The following CSMD1 variants were observed in gnomAD, a reference collection of about 807,000 sequenced individuals.
The protein encoded by CSMD1 is CUB and Sushi multiple domains 1.
CSMD1 carries 213 observed loss-of-function variants against 417.5 expected under a neutral mutation model. That is an observed-to-expected ratio of 0.51 (90% CI 0.46 to 0.57). The LOEUF (loss-of-function observed/expected upper bound fraction) is 0.57, where lower values mean the gene tolerates loss of function less well. Ranked by LOEUF, CSMD1 falls within the 20% of genes least tolerant of loss-of-function variation. The probability of loss-of-function intolerance (pLI) is 0.00; values close to 1 mark genes in which losing one functional copy is unlikely to be tolerated. For missense variants in CSMD1, 6,923 were observed against 4,529.7 expected (o/e 1.53, Z -15.17); for synonymous variants, 2,862 against 1,736.8 (o/e 1.65, Z -16.11).
intron 2 of CSMD1, among the ~76,000 whole-genome samples, chr8:4,457,248 G>C (rs1217681): frequency 0.014 from 2,089 of 152,166 alleles, 43 homozygotes; most frequent in African/African-American, 0.046. Flanking sequence ...CAACCAAGTG[G>C]TTTTACCTGT....
At position 3,041,714 on chromosome 8, in the gene CSMD1, G is replaced by A. The variant is rs373485209; in HGVS notation, c.7660+10748C>T. ...TTTAGAACTGTTAAATGAAAGATGA[G>A]GATGCCAATCCACTGCTATTTTATA... On this transcript the variant is annotated intron_variant, in intron 50 of 69. Transcript: ENST00000635120. Among the ~76,000 whole-genome samples the A allele has an allele frequency of 9.8e-5, 15 of 152,310 alleles. No homozygotes were observed. The East Asian group carries it at 2.9e-3, about 29-fold the overall frequency.
chr8:3,998,089 G>T lies in CSMD1; in HGVS notation c.632C>A (p.Thr211Asn), dbSNP rs755543538. ...GATGGAGCTGCTGGTCCCGCGTAAG[G>T]TTCCTCCGCAGGCTCCCTCAGCTGC... Reference protein sequence around the residue: ...FCRAEGACGGTLRGTSSSISS... With the variant: ...FCRAEGACGGNLRGTSSSISS... Residue 211 changes from threonine (T) to asparagine (N), a missense_variant, in exon 5 of 70, where the codon ACC (threonine) becomes AAC (asparagine). Physicochemically the swap from Thr to Asn is moderately conservative, Grantham distance 65. Coordinates refer to ENST00000635120, the MANE Select transcript of CSMD1 (RefSeq NM_033225.6). 13 of 1,578,454 alleles carry T rather than the reference G, an allele frequency of 8.2e-6. No individual in the cohort carries two copies. The highest frequency in any genetic ancestry group is 1.1e-5 in the Non-Finnish European group (13 of 1,161,274).
intron 1 of CSMD1, among the ~76,000 whole-genome samples, chr8:4,906,576 C>CTTTTTTTTT (rs10626735): frequency 6.6e-6 from 1 of 151,058 alleles, no homozygotes; most frequent in Non-Finnish European, 1.5e-5. Context: ...TTTTGAGTTG[C>CTTTTTTTTT]TTTTTTTTCC....
At chr8:4,826,818 T>G (rs1024720052) in intron 1 of CSMD1, among the ~76,000 whole-genome samples, 3 of 152,132 alleles carry the variant, frequency 2.0e-5, no homozygotes, top group African/African-American at 7.2e-5. Flanking sequence ...TTACCAAATC[T>G]TACGACTCTA....
intron 3 of CSMD1, among the ~76,000 whole-genome samples, chr8:4,100,628 G>C (rs1269500930): frequency 6.6e-6 from 1 of 152,084 alleles, no homozygotes; most frequent in Non-Finnish European, 1.5e-5. Flanking sequence ...GTGATAATGG[G>C]GATAAGTATG....
At chr8:4,407,968 A>C (rs1187529617) in intron 3 of CSMD1, among the ~76,000 whole-genome samples, 2 of 152,028 alleles carry the variant, frequency 1.3e-5, no homozygotes, top group Admixed American at 1.3e-4. Context: ...ATCCTCCTAC[A>C]CCCGGCAAAA....
At chr8:3,804,262 A>G (rs1014357237) in intron 5 of CSMD1, among the ~76,000 whole-genome samples, 3 of 152,090 alleles carry the variant, frequency 2.0e-5, no homozygotes, top group Non-Finnish European at 2.9e-5. Context: ...TCAATTCAAA[A>G]CATTTAACTT....
chr8:4,831,106 T>C (rs1048490108), intron 1 of CSMD1, among the ~76,000 whole-genome samples: 3 of 152,162 alleles, frequency 2.0e-5, no homozygotes, highest in South Asian at 2.1e-4. Context: ...ATTTTACCTA[T>C]GCCTTAGGAA....
intron 23 of CSMD1, among the ~76,000 whole-genome samples, chr8:3,322,902 C>A (rs531379736): frequency 6.6e-6 from 1 of 152,312 alleles, no homozygotes; most frequent in African/African-American, 2.4e-5. Context: ...TGCTGTGATT[C>A]CTAGATAAGT....
chr8:4,121,309 T>C (rs1411643824), intron 3 of CSMD1, among the ~76,000 whole-genome samples: 1 of 151,988 alleles, frequency 6.6e-6, no homozygotes, highest in East Asian at 1.9e-4. Context: ...GAGACACCGT[T>C]CCACCATGTT....
chr8:3,510,728 G>A (rs987781903), intron 10 of CSMD1, among the ~76,000 whole-genome samples: 1 of 151,910 alleles, frequency 6.6e-6, no homozygotes, highest in East Asian at 1.9e-4. Flanking sequence ...GTATCTCATT[G>A]TGGTTTTGAT....
chr8:3,369,923 G>C (rs1203683287), intron 18 of CSMD1, among the ~76,000 whole-genome samples: 1 of 152,152 alleles, frequency 6.6e-6, no homozygotes, highest in African/African-American at 2.4e-5. Flanking sequence ...GTGATCTCTG[G>C]TAAGTCTCTC....
intron 1 of CSMD1, among the ~76,000 whole-genome samples, chr8:4,974,204 T>G (rs1810413938): frequency 6.6e-6 from 1 of 151,836 alleles, no homozygotes; most frequent in African/African-American, 2.4e-5. Context: ...TTTTGTATTT[T>G]TAATAGAGAT....
intron 5 of CSMD1, among the ~76,000 whole-genome samples, chr8:3,880,739 A>T (rs182549098): frequency 2.6e-5 from 4 of 152,208 alleles, no homozygotes; most frequent in African/African-American, 9.6e-5. Flanking sequence ...TATTAAAATT[A>T]TATTATACAG....
At chr8:3,885,685 C>T (rs1342998452) in intron 5 of CSMD1, among the ~76,000 whole-genome samples, 1 of 152,102 alleles carries the variant, frequency 6.6e-6, no homozygotes, top group Non-Finnish European at 1.5e-5. Context: ...CTCAAGCTCA[C>T]AGAAATGCAC....
Position 3,369,275 on chromosome 8 carries a change from T to G in CSMD1, c.2878A>C (p.Ile960Leu). ...TTACCTTTCCCATGAGACACTTCAA[T>G]GGTCCACGTGCAGTTTAGAGAGTTT... is the stretch of plus-strand genomic sequence containing the variant. ...YPNSLNCTWT[I>L]EVSHGKGVQM... Residue 960 changes from isoleucine (I) to leucine (L), a missense_variant, in exon 19 of 70, where the codon ATT (isoleucine) becomes CTT (leucine). Coordinates refer to ENST00000635120, the MANE Select transcript of CSMD1 (RefSeq NM_033225.6). 6.4e-7 allele frequency: 1 copy of G among 1,572,910 alleles called. No individual in the cohort carries two copies. Among genetic ancestry groups the G allele is most frequent in the East Asian group, 2.2e-5 (1 of 44,628 alleles).
intron 7 of CSMD1, among the ~76,000 whole-genome samples, chr8:3,621,204 G>C (rs1007815183): frequency 6.6e-6 from 1 of 152,136 alleles, no homozygotes; most frequent in Non-Finnish European, 1.5e-5. Context: ...TAAGCCACTC[G>C]GCGAGTAGCG....
chr8:4,408,776 A>G (rs1372103230), intron 3 of CSMD1, among the ~76,000 whole-genome samples: 1 of 152,140 alleles, frequency 6.6e-6, no homozygotes, highest in Non-Finnish European at 1.5e-5. Context: ...ATCAGCTGCC[A>G]TTTTTCTGGC....
At chr8:3,253,800 C>T (rs1219237712) in intron 26 of CSMD1, among the ~76,000 whole-genome samples, 1 of 152,158 alleles carries the variant, frequency 6.6e-6, no homozygotes, top group African/African-American at 2.4e-5. Flanking sequence ...CTGAATACAG[C>T]ACACTGTAGG....
Sources: allele counts gnomAD v4.1 joint callset (sites outside exome capture counted in the v4.1 genomes callset), GRCh38; gene constraint gnomAD v4.1.1; transcripts MANE v1.5; gene names NCBI Gene and HGNC (gene_info 2026-07-23, HGNC 2026-07-21).